BZW2: variants seen among roughly 807,000 people sequenced by gnomAD.
The protein encoded by BZW2 is basic leucine zipper and W2 domains 2.
A neutral mutation model predicts 53.2 loss-of-function variants in BZW2; 23 were observed. That is an observed-to-expected ratio of 0.43 (90% CI 0.31 to 0.61). The LOEUF is 0.61. BZW2 is among the 20% of genes least tolerant of loss of function. BZW2 has a pLI of 0.09. For synonymous variants in BZW2, 227 were observed against 186.4 expected, an observed-to-expected ratio of 1.22 and a Z score of -1.77; for missense variants, 409 against 503.1, an observed-to-expected ratio of 0.81 and a Z score of 1.79.
intron 1 of BZW2, among the ~76,000 whole-genome samples, chr7:16,651,468 T>G (rs1223610100): frequency 6.6e-6 from 1 of 152,204 alleles, no homozygotes; most frequent in Non-Finnish European, 1.5e-5. Context: ...TGGTCATTTC[T>G]AAGAAGAAAA....
At chr7:16,660,531 A>C (rs751571759) in intron 1 of BZW2, among the ~76,000 whole-genome samples, 6 of 152,008 alleles carry the variant, frequency 3.9e-5, no homozygotes, top group Non-Finnish European at 8.8e-5. Flanking sequence ...AAATTTGTGC[A>C]GACTACTCTT....
chr7:16,696,858 G>A, intron 8 of BZW2, 57 bp from the exon 9 acceptor site: 3 of 1,567,748 alleles, frequency 1.9e-6, no homozygotes, highest in Non-Finnish European at 2.6e-6. Context: ...AGCTAGCGGG[G>A]AGATGGGAGC....
At chr7:16,676,633 G>T (rs757863495) in intron 3 of BZW2, among the ~76,000 whole-genome samples, 3 of 152,154 alleles carry the variant, frequency 2.0e-5, no homozygotes, top group Non-Finnish European at 4.4e-5. Context: ...TGTCAATTAG[G>T]TAAGGGATGA....
chr7:16,673,377 A>C (rs1782669209), intron 2 of BZW2, among the ~76,000 whole-genome samples: 1 of 152,198 alleles, frequency 6.6e-6, no homozygotes, highest in Non-Finnish European at 1.5e-5. Flanking sequence ...ACATTCTCTC[A>C]TACTTTTACA....
rs759389326 is a variant in BZW2 at position 16,694,986 on chromosome 7, G to C, written c.804G>C (p.Gln268His). ...LQKELQERLS[Q>H]ECPIKEVVLY... ...AGGAGCTCCAGGAGCGTCTTTCTCA[G>C]GAATGCCCGATCAAGGAGGTGGGAG... Residue 268 changes from glutamine (Q) to histidine (H), a missense_variant, in exon 8 of 12, where the codon CAG becomes CAC. Physicochemically the swap from Gln to His is conservative, Grantham distance 24. Transcript: ENST00000258761. 4 of 1,580,912 alleles carry C rather than the reference G, an allele frequency of 2.5e-6. No homozygotes were observed. The highest frequency in any genetic ancestry group is 3.5e-6 in the Non-Finnish European group (4 of 1,154,250).
At chr7:16,696,656 CCT>C (rs1783500906) in intron 8 of BZW2, among the ~76,000 whole-genome samples, 1 of 152,198 alleles carries the variant, frequency 6.6e-6, no homozygotes, top group Non-Finnish European at 1.5e-5. Flanking sequence ...AAACAAAAAT[CCT>C]CTCTTACTCC....
intron 10 of BZW2, among the ~76,000 whole-genome samples, chr7:16,701,316 A>G (rs925206690): frequency 6.6e-6 from 1 of 152,172 alleles, no homozygotes; most frequent in East Asian, 1.9e-4. Context: ...ATGGTCTAAA[A>G]TGTGTAAAAC....
chr7:16,680,227 CTGCAAAATACT>C (rs1272701782), intron 3 of BZW2, among the ~76,000 whole-genome samples: 1 of 152,084 alleles, frequency 6.6e-6, no homozygotes, highest in Non-Finnish European at 1.5e-5. Context: ...GGTAGAGTAT[CTGCAAAATACT>C]TGCAAAATGT....
rs963856481 is a variant in BZW2, at chr7:16,706,183, G to T, written c.*95G>T. ...GAAGAGAAACTTGGCTTCTGTTTTC[G>T]CAAAGGAAAAAAAAAATAGGATAGG... On this transcript the variant is annotated 3_prime_UTR_variant, in exon 12 of 12. Transcript: ENST00000258761. 2 of 1,385,214 alleles carry T rather than the reference G, an allele frequency of 1.4e-6. No individual in the cohort carries two copies. The highest frequency in any genetic ancestry group is 2.0e-6 in the Non-Finnish European group (2 of 997,864). The allele number at this position is 1,385,214 out of a possible 1,614,324, so 85.8% of individuals were successfully genotyped here.
At chr7:16,672,169 C>T (rs889305763) in intron 2 of BZW2, among the ~76,000 whole-genome samples, 5 of 152,042 alleles carry the variant, frequency 3.3e-5, no homozygotes, top group Non-Finnish European at 7.4e-5. Flanking sequence ...CACTTTCAGT[C>T]TTTGTGCTGG....
chr7:16,702,116 G>A (rs957833832), intron 10 of BZW2, among the ~76,000 whole-genome samples: 1 of 152,208 alleles, frequency 6.6e-6, no homozygotes, highest in Admixed American at 6.5e-5. Context: ...AGGCATTTAT[G>A]AAATATCCCA....
rs1554264390 is a variant in BZW2 at position 16,656,137 on chromosome 7, C to CTATATATATATATA, written c.-7-9299_-7-9286dup. On this transcript the variant is annotated intron_variant, in intron 1 of 11. Coordinates refer to ENST00000258761, the MANE Select transcript of BZW2 (RefSeq NM_014038.3). ...TATATGTGTGTATATATATAAATGA[C>CTATATATATATATA]TATATATATATATACATAAATATTT... is the stretch of plus-strand genomic sequence containing the variant. Among the ~76,000 whole-genome samples the CTATATATATATATA allele has an allele frequency of 2.1e-4, 30 of 141,536 alleles. 1 individual carries two copies. The highest frequency in any genetic ancestry group is 8.4e-4 in the African/African-American group (29 of 34,552). The allele number at this position is 141,536 out of a possible 152,430, so 92.9% of individuals were successfully genotyped here. A position where few individuals can be genotyped will look rare whatever the true frequency, so the allele number is the denominator to read the frequency against.
intron 2 of BZW2, among the ~76,000 whole-genome samples, chr7:16,667,078 T>C (rs1782451392): frequency 6.6e-6 from 1 of 150,758 alleles, no homozygotes. Flanking sequence ...AGGTTGGTAG[T>C]TTGAGACCAG....
intron 1 of BZW2, among the ~76,000 whole-genome samples, chr7:16,653,614 C>T (rs563623620): frequency 6.6e-6 from 1 of 152,276 alleles, no homozygotes; most frequent in South Asian, 2.1e-4. Flanking sequence ...ATGTAAAGCT[C>T]AACATGTATT....
intron 6 of BZW2, 38 bp downstream of exon 6, chr7:16,686,078 A>G (rs1783115443): frequency 3.1e-6 from 5 of 1,605,212 alleles, no homozygotes; most frequent in Non-Finnish European, 3.4e-6. Flanking sequence ...TCAGACAACA[A>G]AAGAAAAATA....
At position 16,670,328 on chromosome 7, in the gene BZW2, A is replaced by G. The variant is rs190441592; in HGVS notation, c.59-4084A>G. On this transcript the variant is annotated intron_variant, in intron 2 of 11. Coordinates refer to ENST00000258761, the MANE Select transcript of BZW2 (RefSeq NM_014038.3). ...AACAAGTTTTTAAGTTGTGTCTTAC[A>G]TTGAAAACAAAGTCCTCTGCATTGA... 2.9e-3 allele frequency among the ~76,000 whole-genome samples: 445 copies of G among 152,308 alleles called. 1 individual carries two copies. Among genetic ancestry groups the G allele is most frequent in the Non-Finnish European group, 5.2e-3 (356 of 68,012 alleles).
chr7:16,687,736 T>C (rs1366880584), intron 6 of BZW2, among the ~76,000 whole-genome samples: 2 of 151,844 alleles, frequency 1.3e-5, no homozygotes, highest in African/African-American at 4.8e-5. Flanking sequence ...AAAAAAGAAA[T>C]AAAGAAAATG....
intron 3 of BZW2, among the ~76,000 whole-genome samples, chr7:16,675,722 T>C (rs1040297140): frequency 6.6e-6 from 1 of 152,214 alleles, no homozygotes; most frequent in Non-Finnish European, 1.5e-5. Context: ...GCTATCTATA[T>C]TGAGCTCAAA....
chr7:16,698,271 C>A (rs1783564557), intron 10 of BZW2, 85 bp downstream of exon 10: 1 of 1,535,736 alleles, frequency 6.5e-7, no homozygotes, highest in South Asian at 1.2e-5. Flanking sequence ...CAGAGGAGGT[C>A]ATGGGGCTCT....
Sources: allele counts gnomAD v4.1 joint callset (sites outside exome capture counted in the v4.1 genomes callset), GRCh38; gene constraint gnomAD v4.1.1; transcripts MANE v1.5; gene names NCBI Gene and HGNC (gene_info 2026-07-23, HGNC 2026-07-21).